The following SBNO2 variants were observed in gnomAD, a reference collection of about 807,000 sequenced individuals.
SBNO2 encodes protein strawberry notch homolog 2.
Under a neutral mutation model 146.3 loss-of-function variants are expected in SBNO2, and 89 were observed. The ratio of observed to expected loss-of-function variants is 0.61; its 90% CI spans 0.51 to 0.73. The LOEUF (loss-of-function observed/expected upper bound fraction) is 0.73, where lower values mean the gene tolerates loss of function less well. SBNO2 is among the 30% of genes least tolerant of loss of function. The pLI is 0.00. For missense variants in SBNO2, 2,092 were observed against 2,003.7 expected (o/e 1.04, Z -0.84); for synonymous variants, 1,147 against 892.6 (o/e 1.29, Z -5.08).
At chr19:1,116,207 A>G in intron 16 of SBNO2, 104 bp from the exon 17 acceptor site, 1 of 1,036,640 alleles carries the variant, frequency 9.6e-7, no homozygotes, top group Non-Finnish European at 1.4e-6. Flanking sequence ...GGGGTCCCGG[A>G]CAGGACCGGG....
chr19:1,117,364 G>A lies in SBNO2; in HGVS notation c.1663C>T (p.Arg555Trp), dbSNP rs1414655149. The change falls in exon 15 of 32, where the codon CGG (arginine) becomes TGG (tryptophan). Residue 555 changes from arginine (R) to tryptophan (W), a missense_variant. Transcript: ENST00000361757. ...TCCTCTCGGGCCAGCTCCACCAGCC[G>A]GCGCACCTTGGCTGCGATGCACAGA... ...KYLCIAAKVR[R>W]LVELAREELA... 6 of 1,582,080 alleles carry A rather than the reference G, an allele frequency of 3.8e-6. No homozygotes were observed. Among genetic ancestry groups the A allele is most frequent in the Admixed American group, 3.6e-5 (2 of 55,876 alleles).
At position 1,107,905 on chromosome 19, in the gene SBNO2, G is replaced by C. The variant is rs1177025856; in HGVS notation, c.*315C>G. 1 of 189,014 alleles carries C rather than the reference G, an allele frequency of 5.3e-6. No individual in the cohort carries two copies. Among genetic ancestry groups the C allele is most frequent in the Non-Finnish European group, 1.1e-5 (1 of 91,866 alleles). 11.7% of individuals were successfully genotyped at this position (189,014 alleles called of 1,614,324 possible). On this transcript the variant is annotated 3_prime_UTR_variant, in exon 32 of 32. Transcript: ENST00000361757. ...GAGTTTCTAGCTCTTGGGACCACCCGGTTTCACGGATTTCAAGGGTTTGGG... is the reference window on the plus strand; with the variant it reads ...GAGTTTCTAGCTCTTGGGACCACCCCGTTTCACGGATTTCAAGGGTTTGGG...
intron 14 of SBNO2, among the ~76,000 whole-genome samples, chr19:1,118,769 G>A (rs1423349791): frequency 6.6e-6 from 1 of 152,174 alleles, no homozygotes; most frequent in Non-Finnish European, 1.5e-5. Flanking sequence ...CTACTCGAGA[G>A]GCTGAGGGGG....
Position 1,112,611 on chromosome 19 carries a change from C to A in SBNO2, c.2380-74G>T. The A allele has an allele frequency of 6.7e-7, 1 of 1,489,910 alleles. No individual in the cohort carries two copies. The highest frequency in any genetic ancestry group is 1.3e-5 in the South Asian group (1 of 76,960). 92.3% of individuals were successfully genotyped at this position (1,489,910 alleles called of 1,614,324 possible). A position where few individuals can be genotyped will look rare whatever the true frequency, so the allele number is the denominator to read the frequency against. On this transcript the variant is annotated intron_variant, in intron 20 of 31. Coordinates refer to ENST00000361757, the MANE Select transcript of SBNO2 (RefSeq NM_014963.3). This position sits in a 1 kb window ranked among gnomAD's most constrained non-coding sequence, Gnocchi z 5.9. ...AGCGTTGCCGCCACCTCCTCACCCA[C>A]TAGGCCCCCGCTCCAGGTCACCAGG...
rs548536065 is a variant in SBNO2, at chr19:1,169,906, C to T, written c.-127+4266G>A. Among the ~76,000 whole-genome samples, 190 of 152,284 alleles carry T rather than the reference C, an allele frequency of 1.2e-3. 2 individuals are homozygous for T. Among genetic ancestry groups the T allele is most frequent in the African/African-American group, 4.4e-3 (181 of 41,534 alleles). ...ACATTCCGCTCCCCCAAAACACAGCCGTGTCCCCAACAGCAGTCACTCCCC... is the reference window on the plus strand; with the variant it reads ...ACATTCCGCTCCCCCAAAACACAGCTGTGTCCCCAACAGCAGTCACTCCCC... On this transcript the variant is annotated intron_variant, in intron 1 of 31. Transcript: ENST00000361757.
rs187757525 is a variant in SBNO2, at chr19:1,162,110, C to T, written c.-126-7708G>A. Among the ~76,000 whole-genome samples, 694 of 140,650 alleles carry T rather than the reference C, an allele frequency of 4.9e-3. 6 individuals are homozygous for T. Among genetic ancestry groups the T allele is most frequent in the African/African-American group, 0.017 (640 of 37,764 alleles). The allele number at this position is 140,650 out of a possible 152,430, so 92.3% of individuals were successfully genotyped here. A position where few individuals can be genotyped will look rare whatever the true frequency, so the allele number is the denominator to read the frequency against. ...GGGACACAGGGCTCAGGGACCACTC[C>T]ACACCCTAGACGGGAGCAGGGATGG... is the stretch of plus-strand genomic sequence containing the variant. On this transcript the variant is annotated intron_variant, in intron 1 of 31. Coordinates refer to ENST00000361757, the MANE Select transcript of SBNO2 (RefSeq NM_014963.3).
chr19:1,120,211 C>A, intron 11 of SBNO2, 188 bp from the exon 12 acceptor site: 3 of 593,448 alleles, frequency 5.1e-6, no homozygotes, highest in Non-Finnish European at 9.0e-6. Context: ...AGGCGGCCCC[C>A]ACACGACCAT....
Position 1,157,917 on chromosome 19 carries a change from G to A in SBNO2, c.-126-3515C>T, listed in dbSNP as rs1288098718. Among the ~76,000 whole-genome samples the A allele has an allele frequency of 6.9e-6, 1 of 145,690 alleles. No homozygotes were observed. The highest frequency in any genetic ancestry group is 2.6e-5 in the African/African-American group (1 of 38,314). On this transcript the variant is annotated intron_variant, in intron 1 of 31. Coordinates refer to ENST00000361757, the MANE Select transcript of SBNO2 (RefSeq NM_014963.3). This position sits in a 1 kb window ranked among gnomAD's most constrained non-coding sequence, Gnocchi z 6.8. ...CTCTCCTGAGTCCGGATAACTGTCC[G>A]CCTCCCAGCTCTCTCCTGAGTCCGG...
Position 1,120,041 on chromosome 19 carries a change from T to G in SBNO2, c.1150-18A>C. On this transcript the variant is annotated intron_variant, in intron 11 of 31. Coordinates refer to ENST00000361757, the MANE Select transcript of SBNO2 (RefSeq NM_014963.3). ...AACACGATCTGAGGCACACGTGGGT[T>G]AAGGAGTATTCTGAAGGACGGGGGC... 147 of 1,542,644 alleles carry G rather than the reference T, an allele frequency of 9.5e-5. No homozygotes were observed. The highest frequency in any genetic ancestry group is 1.7e-4 in the Middle Eastern group (1 of 5,980).
rs2080309683 is a variant in SBNO2 at position 1,158,105 on chromosome 19, G to A, written c.-126-3703C>T. Among the ~76,000 whole-genome samples, 1 of 152,136 alleles carries A rather than the reference G, an allele frequency of 6.6e-6. No individual in the cohort carries two copies. The highest frequency in any genetic ancestry group is 2.4e-5 in the African/African-American group (1 of 41,432). On this transcript the variant is annotated intron_variant, in intron 1 of 31. Coordinates refer to ENST00000361757, the MANE Select transcript of SBNO2 (RefSeq NM_014963.3). This position sits in a 1 kb window ranked among gnomAD's most constrained non-coding sequence, Gnocchi z 9.9. ...TTCTTCTGAGCCTGCTGAAGTCCCC[G>A]TCTTCCTGGCTGGACGCCCCAGGGT...
At chr19:1,129,785 G>A (rs901538551) in intron 4 of SBNO2, among the ~76,000 whole-genome samples, 3 of 152,218 alleles carry the variant, frequency 2.0e-5, no homozygotes, top group African/African-American at 7.2e-5. Flanking sequence ...GTGGTGCAGG[G>A]AGCGCAGGCA....
intron 1 of SBNO2, among the ~76,000 whole-genome samples, chr19:1,166,184 CAGACTT>C (rs2080422129): frequency 7.1e-6 from 1 of 141,498 alleles, no homozygotes; most frequent in African/African-American, 2.6e-5. Context: ...CCCCAGATCC[CAGACTT>C]CAGATCCCCG....
Position 1,110,895 on chromosome 19 carries a change from G to A in SBNO2, c.2885-7C>T. 3.1e-6 allele frequency: 5 copies of A among 1,613,300 alleles called. No homozygotes were observed. The highest frequency in any genetic ancestry group is 3.3e-4 in the Middle Eastern group (2 of 6,056). On this transcript the variant is annotated splice_region_variant and splice_polypyrimidine_tract_variant and intron_variant, in intron 25 of 31. Coordinates refer to ENST00000361757, the MANE Select transcript of SBNO2 (RefSeq NM_014963.3). The surrounding 1 kb of genome is among the most constrained non-coding windows in gnomAD (Gnocchi z 4.9). ...AACTTGGTGATGGAACAGTCTGGTA[G>A]GGGAGGGAGCCAAGCCTCAGGCTGC...
chr19:1,135,664 G>A (rs917130741), intron 4 of SBNO2, among the ~76,000 whole-genome samples: 2 of 152,226 alleles, frequency 1.3e-5, no homozygotes, highest in African/African-American at 2.4e-5. Flanking sequence ...CCGCAGCAAC[G>A]CTGACCGAGG....
rs1202594095 is a variant in SBNO2, at chr19:1,109,895, G to T, written c.3029-118C>A. 4 of 737,488 alleles carry T rather than the reference G, an allele frequency of 5.4e-6. No individual in the cohort carries two copies. The Admixed American group carries it at 8.7e-5, about 16-fold the overall frequency. The allele number at this position is 737,488 out of a possible 1,614,324, so 45.7% of individuals were successfully genotyped here. A position where few individuals can be genotyped will look rare whatever the true frequency, so the allele number is the denominator to read the frequency against. The stretch of plus-strand genomic sequence containing the variant: ...CGACCCCCCGAGAGCACAGGAGAGG[G>T]TGTCCTGGATCCTGGCCTGACCTGG... On this transcript the variant is annotated intron_variant, in intron 26 of 31. Transcript: ENST00000361757. The surrounding 1 kb of genome is among the most constrained non-coding windows in gnomAD (Gnocchi z 4.2).
At position 1,119,634 on chromosome 19, in the gene SBNO2, G is replaced by A. The variant is rs536416289; in HGVS notation, c.1268-13C>T. The A allele has an allele frequency of 7.5e-6, 12 of 1,589,714 alleles. No homozygotes were observed. The highest frequency in any genetic ancestry group is 1.0e-5 in the Non-Finnish European group (12 of 1,165,742). ...GGCTCAGAGGCACCTGTGGGGGGAAGCTGCCGTCAGCTCCCCAACCCGGGA... is the reference window on the plus strand; with the variant it reads ...GGCTCAGAGGCACCTGTGGGGGGAAACTGCCGTCAGCTCCCCAACCCGGGA... On this transcript the variant is annotated splice_polypyrimidine_tract_variant and intron_variant, in intron 12 of 31. Transcript: ENST00000361757.
rs1034934914 is a variant in SBNO2 at position 1,111,622 on chromosome 19, G to C, written c.2701-8C>G. ...CAGGGCCCGGGTGCCATACTAGGGG[G>C]AGAAGGTGACTCGGGGAGGAGGCCC... is the stretch of plus-strand genomic sequence containing the variant. On this transcript the variant is annotated splice_region_variant and splice_polypyrimidine_tract_variant and intron_variant, in intron 23 of 31. Coordinates refer to ENST00000361757, the MANE Select transcript of SBNO2 (RefSeq NM_014963.3). 1.3e-6 allele frequency: 2 copies of C among 1,570,530 alleles called. No individual in the cohort carries two copies. Among genetic ancestry groups the C allele is most frequent in the African/African-American group, 2.7e-5 (2 of 73,798 alleles).
intron 11 of SBNO2, among the ~76,000 whole-genome samples, chr19:1,120,980 C>T (rs2079894602): frequency 1.3e-5 from 2 of 152,050 alleles, no homozygotes; most frequent in African/African-American, 4.8e-5. Flanking sequence ...CCACCTCTGC[C>T]TCCTGGGTTC....
Position 1,140,233 on chromosome 19 carries a change from T to C in SBNO2, c.279+7076A>G, listed in dbSNP as rs887390598. Among the ~76,000 whole-genome samples the C allele has an allele frequency of 4.6e-5, 7 of 151,430 alleles. No homozygotes were observed. Among genetic ancestry groups the C allele is most frequent in the Admixed American group, 6.6e-5 (1 of 15,220 alleles). On this transcript the variant is annotated intron_variant, in intron 4 of 31. Coordinates refer to ENST00000361757, the MANE Select transcript of SBNO2 (RefSeq NM_014963.3). This position sits in a 1 kb window ranked among gnomAD's most constrained non-coding sequence, Gnocchi z 4.4. ...GAGAATGGCATGAACCCAGGAGGCGTTGGTTGCAGTGAGCCGAGGTCACGC... is the reference window on the plus strand; with the variant it reads ...GAGAATGGCATGAACCCAGGAGGCGCTGGTTGCAGTGAGCCGAGGTCACGC...
Sources: gnomAD v4.1 joint callset for allele counts (sites outside exome capture counted in the v4.1 genomes callset) on GRCh38, gnomAD v4.1.1 for gene constraint, Gnocchi (gnomAD v3.1) non-coding constraint, MANE v1.5 for transcripts, NCBI Gene and HGNC (gene_info 2026-07-23, HGNC 2026-07-21) for gene names.